The following GRIA2 variants were observed in gnomAD, a reference collection of about 807,000 sequenced individuals.
The protein encoded by GRIA2 is glutamate receptor 2.
GRIA2 carries 14 observed loss-of-function variants against 97.3 expected under a neutral mutation model. That is an observed-to-expected ratio of 0.14 (90% confidence interval 0.10 to 0.23). The LOEUF (loss-of-function observed/expected upper bound fraction) is 0.23, where lower values mean the gene tolerates loss of function less well. GRIA2 is among the 10% of genes least tolerant of loss of function. GRIA2 has a pLI of 1.00. For missense variants in GRIA2, 558 were observed against 1,069.8 expected, an observed-to-expected ratio of 0.52 and a Z score of 6.67; for synonymous variants, 412 against 387.8, an observed-to-expected ratio of 1.06 and a Z score of -0.73.
At chr4:157,259,366 C>G (rs543518247) in intron 2 of GRIA2, among the ~76,000 whole-genome samples, 41 of 152,154 alleles carry the variant, frequency 2.7e-4, no homozygotes, top group Middle Eastern at 3.4e-3. Context: ...AGTGAAGCTC[C>G]CTTGAACAAA....
At chr4:157,248,544 T>TATATATAC (rs1484369071) in intron 2 of GRIA2, among the ~76,000 whole-genome samples, 1 of 145,878 alleles carries the variant, frequency 6.9e-6, no homozygotes, top group East Asian at 2.0e-4. Flanking sequence ...TGTGTTTATG[T>TATATATAC]GTGTGTGTGT....
rs267600060 is a variant in GRIA2, at chr4:157,360,086, G to A, written c.2234G>A (p.Gly745Asp). 6.2e-7 allele frequency: 1 copy of A among 1,613,916 alleles called. No individual in the cohort carries two copies. The highest frequency in any genetic ancestry group is 8.5e-7 in the Non-Finnish European group (1 of 1,179,906). The change falls in exon 13 of 16, where the codon GGT (glycine) becomes GAT (aspartate). Residue 745 changes from glycine (G) to aspartate (D), a missense_variant. Physicochemically the swap from Gly to Asp is moderately conservative, Grantham distance 94 (BLOSUM62 -1). Transcript: ENST00000264426. ...AAGCCTTGCGACACCATGAAAGTTG[G>A]TGGAAACCTGGATTCCAAAGGCTAT... ...QRKPCDTMKV[G>D]GNLDSKGYGI...
At chr4:157,345,889 A>G (rs1054872465) in intron 12 of GRIA2, among the ~76,000 whole-genome samples, 3 of 152,176 alleles carry the variant, frequency 2.0e-5, no homozygotes, top group African/African-American at 4.8e-5. Flanking sequence ...TGTTTAATGC[A>G]GTTTGTTCCA....
chr4:157,258,426 C>G (rs1281160545), intron 2 of GRIA2, among the ~76,000 whole-genome samples: 1 of 152,018 alleles, frequency 6.6e-6, no homozygotes, highest in Non-Finnish European at 1.5e-5. Context: ...TGTAGCGCTC[C>G]CAGGCCTATT....
chr4:157,333,475 A>G (rs1735149332), intron 8 of GRIA2, 122 bp downstream of exon 8: 1 of 452,846 alleles, frequency 2.2e-6, no homozygotes, highest in African/African-American at 2.0e-5. Flanking sequence ...ACTTCCAGAA[A>G]CAGATATATT....
intron 2 of GRIA2, among the ~76,000 whole-genome samples, chr4:157,254,838 G>C (rs548830580): frequency 6.6e-6 from 1 of 151,966 alleles, no homozygotes; most frequent in African/African-American, 2.4e-5. Context: ...TGAATTTAAC[G>C]TACCTGGTCA....
chr4:157,331,701 T>C (rs1300905937), intron 6 of GRIA2, among the ~76,000 whole-genome samples: 1 of 151,994 alleles, frequency 6.6e-6, no homozygotes, highest in East Asian at 1.9e-4. Flanking sequence ...GTTTTACTGT[T>C]AGATGGCTTA....
At chr4:157,251,573 T>G (rs1731024404) in intron 2 of GRIA2, among the ~76,000 whole-genome samples, 1 of 152,144 alleles carries the variant, frequency 6.6e-6, no homozygotes, top group African/African-American at 2.4e-5. Context: ...TACTTCATTT[T>G]TCTTGGTAGT....
chr4:157,309,225 G>C (rs1019666398), intron 3 of GRIA2, among the ~76,000 whole-genome samples: 5 of 151,948 alleles, frequency 3.3e-5, no homozygotes, highest in Non-Finnish European at 1.5e-5. Context: ...GTTTTGTTAG[G>C]TTCCATAGGT....
At chr4:157,290,724 G>A (rs1341515778) in intron 2 of GRIA2, among the ~76,000 whole-genome samples, 1 of 151,644 alleles carries the variant, frequency 6.6e-6, no homozygotes, top group Non-Finnish European at 1.5e-5. Context: ...CAGAACATAT[G>A]CTTTGATTCA....
At chr4:157,293,084 A>G (rs888240959) in intron 2 of GRIA2, among the ~76,000 whole-genome samples, 3 of 152,294 alleles carry the variant, frequency 2.0e-5, no homozygotes, top group Admixed American at 1.3e-4. Context: ...AATTACACAC[A>G]AAAAGTTATT....
At chr4:157,276,603 T>A (rs1255383823) in intron 2 of GRIA2, among the ~76,000 whole-genome samples, 3 of 151,830 alleles carry the variant, frequency 2.0e-5, no homozygotes, top group Admixed American at 2.0e-4. Flanking sequence ...GGTGTTTTTT[T>A]AATTTTTTAA....
At chr4:157,280,553 T>C in intron 2 of GRIA2, among the ~76,000 whole-genome samples, 1 of 152,136 alleles carries the variant, frequency 6.6e-6, no homozygotes, top group African/African-American at 2.4e-5. Flanking sequence ...CAACTAGTGT[T>C]TCTTAGGTTC....
chr4:157,244,818 C>G (rs1463028002), intron 2 of GRIA2, among the ~76,000 whole-genome samples: 2 of 151,920 alleles, frequency 1.3e-5, no homozygotes, highest in Non-Finnish European at 2.9e-5. Context: ...CACCATTTCC[C>G]TCTTTGGCTC....
chr4:157,276,384 G>C (rs1016991195), intron 2 of GRIA2, among the ~76,000 whole-genome samples: 1 of 152,048 alleles, frequency 6.6e-6, no homozygotes, highest in South Asian at 2.1e-4. Context: ...CAAAAGAAGT[G>C]CTTGGAGGGA....
At chr4:157,286,615 A>C (rs1019660665) in intron 2 of GRIA2, among the ~76,000 whole-genome samples, 8 of 150,812 alleles carry the variant, frequency 5.3e-5, no homozygotes, top group African/African-American at 1.7e-4. Context: ...ATATCTTCCA[A>C]TAAAGTTTGT....
rs1020233584 is a variant in GRIA2, at chr4:157,221,860, G to A, written c.229+53G>A. The A allele has an allele frequency of 7.2e-6, 11 of 1,520,880 alleles. No individual in the cohort carries two copies. The East Asian group carries it at 1.4e-4, about 19-fold the overall frequency. The allele number at this position is 1,520,880 out of a possible 1,614,324, so 94.2% of individuals were successfully genotyped here. Reference sequence around the variant, plus strand: ...GGTGCTGCACGCGGAAGGCCAGCGAGTGTGAGTGTGTGTGTGCGTTTCTGG... The same window carrying A: ...GGTGCTGCACGCGGAAGGCCAGCGAATGTGAGTGTGTGTGTGCGTTTCTGG... On this transcript the variant is annotated intron_variant, in intron 2 of 15. Transcript: ENST00000264426.
chr4:157,322,276 TG>T (rs1734612212), intron 6 of GRIA2, among the ~76,000 whole-genome samples: 2 of 150,672 alleles, frequency 1.3e-5, no homozygotes, highest in Non-Finnish European at 3.0e-5. Flanking sequence ...TGTGTGTGTG[TG>T]TGTGTATAAA....
intron 2 of GRIA2, among the ~76,000 whole-genome samples, chr4:157,222,133 G>A (rs1729526464): frequency 6.6e-6 from 1 of 152,102 alleles, no homozygotes; most frequent in Admixed American, 6.5e-5. Context: ...TTCAGGAGAA[G>A]CCCTCCCACC....
Sources: allele counts gnomAD v4.1 joint callset (sites outside exome capture counted in the v4.1 genomes callset), GRCh38; gene constraint gnomAD v4.1.1; transcripts MANE v1.5; gene names NCBI Gene and HGNC (gene_info 2026-07-23, HGNC 2026-07-21).